Variants in DHX33 observed in about 807,000 individuals in gnomAD.
DHX33 encodes the protein DEAH-box helicase 33.
DHX33 carries 42 observed loss-of-function variants against 72.5 expected under a neutral mutation model. That is an observed-to-expected ratio of 0.58 (90% CI 0.45 to 0.75). The LOEUF is 0.75. Among genes scored for constraint, DHX33 ranks in the 30% least tolerant of loss-of-function variants. DHX33 has a pLI of 0.00. For synonymous variants in DHX33, 358 were observed against 366.1 expected (o/e 0.98, Z 0.25); for missense variants, 842 against 917.5 (o/e 0.92, Z 1.06).
rs1314574697 is a variant in DHX33 at position 5,450,076 on chromosome 17, T to C, written c.1728+127A>G. ...CTGAAATGCTGTCTGGCTTTCTTTT[T>C]GTGATTCTTTAGATAATTTAGCCAA... On this transcript the variant is annotated intron_variant, in intron 10 of 11. Coordinates refer to ENST00000225296, the MANE Select transcript of DHX33 (RefSeq NM_020162.4). The C allele has an allele frequency of 1.7e-5, 20 of 1,145,660 alleles. No homozygotes were observed. The East Asian group carries it at 3.4e-4, about 19-fold the overall frequency. The allele number at this position is 1,145,660 out of a possible 1,614,324, so 71.0% of individuals were successfully genotyped here. A position where few individuals can be genotyped will look rare whatever the true frequency, so the allele number is the denominator to read the frequency against.
Position 5,456,074 on chromosome 17 carries a change from G to A in DHX33, c.958C>T (p.Pro320Ser). ...DIAKHLPDGC[P>S]AMLVLPLYAS... ...TACAGAGGAAGGACCAGCATCGCAG[G>A]GCAGCCGTCTGGGAGGTGCTTTGCA... The change falls in exon 5 of 12, where the codon CCT becomes TCT. Residue 320 changes from proline (P) to serine (S), a missense_variant. Pro to Ser is a moderately conservative substitution (Grantham distance 74). Coordinates refer to ENST00000225296, the MANE Select transcript of DHX33 (RefSeq NM_020162.4). 6.2e-7 allele frequency: 1 copy of A among 1,613,824 alleles called. No individual in the cohort carries two copies. Among genetic ancestry groups the A allele is most frequent in the Non-Finnish European group, 8.5e-7 (1 of 1,180,028 alleles).
At position 5,456,195 on chromosome 17, in the gene DHX33, T is replaced by C. The variant is rs746166361; in HGVS notation, c.850-13A>G. ...AAGAAGGGGCTTCCTGTAAAAAAAG[T>C]AGAGTGGGTTTACTAGGCATTGATA... On this transcript the variant is annotated splice_polypyrimidine_tract_variant and intron_variant, in intron 4 of 11. Transcript: ENST00000225296. 2.5e-6 allele frequency: 4 copies of C among 1,613,036 alleles called. No homozygotes were observed. The highest frequency in any genetic ancestry group is 1.1e-5 in the South Asian group (1 of 91,068).
At chr17:5,468,547 G>A in intron 1 of DHX33, 24 bp downstream of exon 1, 1 of 1,599,410 alleles carries the variant, frequency 6.3e-7, no homozygotes, top group Non-Finnish European at 8.5e-7. Context: ...GTGCAAGGAA[G>A]AGCCCGCCGG....
chr17:5,445,087 T>C (rs1049800769), intron 11 of DHX33, among the ~76,000 whole-genome samples: 13 of 151,968 alleles, frequency 8.6e-5, no homozygotes, highest in South Asian at 4.2e-4. Flanking sequence ...TTCTTTCTTT[T>C]TTTTTTTTTG....
chr17:5,447,146 A>C (rs1170994908), intron 11 of DHX33, among the ~76,000 whole-genome samples: 1 of 152,268 alleles, frequency 6.6e-6, no homozygotes, highest in Non-Finnish European at 1.5e-5. Flanking sequence ...TAAAATGTGG[A>C]GTGTCATGCG....
chr17:5,455,043 T>G, intron 6 of DHX33, 117 bp downstream of exon 6: 1 of 919,330 alleles, frequency 1.1e-6, no homozygotes, highest in Non-Finnish European at 1.7e-6. Context: ...TCATGGCGCC[T>G]GCCACCTGAA....
At position 5,444,092 on chromosome 17, in the gene DHX33, C is replaced by T. The variant is rs1442225415; in HGVS notation, c.*113G>A. 2.4e-6 allele frequency: 3 copies of T among 1,260,868 alleles called. No individual in the cohort carries two copies. The highest frequency in any genetic ancestry group is 2.2e-6 in the Non-Finnish European group (2 of 923,914). The allele number at this position is 1,260,868 out of a possible 1,614,324, so 78.1% of individuals were successfully genotyped here. A position where few individuals can be genotyped will look rare whatever the true frequency, so the allele number is the denominator to read the frequency against. The stretch of plus-strand genomic sequence containing the variant: ...TGCTTTCACGCTCCTGGAAGTCAGG[C>T]ACCTTCAGCTGATTCCAAGGCTTCT... On this transcript the variant is annotated 3_prime_UTR_variant, in exon 12 of 12. Coordinates refer to ENST00000225296, the MANE Select transcript of DHX33 (RefSeq NM_020162.4). This position sits in a 1 kb window ranked among gnomAD's most constrained non-coding sequence, Gnocchi z 4.9.
chr17:5,463,622 C>T lies in DHX33; in HGVS notation c.357G>A (p.Gln119=), dbSNP rs750138550. The T allele has an allele frequency of 1.2e-6, 2 of 1,613,920 alleles. No individual in the cohort carries two copies. Among genetic ancestry groups the T allele is most frequent in the Non-Finnish European group, 1.7e-6 (2 of 1,180,012 alleles). The change falls in exon 2 of 12, where the codon CAG becomes CAA. Residue 119 remains glutamine (Q), a synonymous_variant. Coordinates refer to ENST00000225296, the MANE Select transcript of DHX33 (RefSeq NM_020162.4). ...QYLYEGGISR[Q]GIIAVTQPRR... is the part of the protein sequence containing the mutation. ...GAGGCTGGGTCACAGCAATGATGCC[C>T]TGGCGGCTGATCCCTCCTTCATACA...
chr17:5,455,869 C>A (rs113744222), intron 5 of DHX33, 128 bp downstream of exon 5: 7 of 995,742 alleles, frequency 7.0e-6, no homozygotes, highest in African/African-American at 1.6e-5. Context: ...CTCCTCAGTG[C>A]GCTGATCTGG....
intron 3 of DHX33, among the ~76,000 whole-genome samples, chr17:5,461,545 G>A (rs1904621178): frequency 6.6e-6 from 1 of 151,322 alleles, no homozygotes; most frequent in Non-Finnish European, 1.5e-5. Flanking sequence ...GTGAACCTGG[G>A]AGGCGGAGCT....
Position 5,444,645 on chromosome 17 carries a change from C to T in DHX33, c.1816-132G>A. On this transcript the variant is annotated intron_variant, in intron 11 of 11. Transcript: ENST00000225296. This position sits in a 1 kb window ranked among gnomAD's most constrained non-coding sequence, Gnocchi z 4.9. ...CATTGTGAGCCTAACGATGTGGATT[C>T]TGACATTCGGAGGTGGTCACCAAGG... The T allele has an allele frequency of 1.0e-6, 1 of 956,350 alleles. No homozygotes were observed. The highest frequency in any genetic ancestry group is 1.5e-6 in the Non-Finnish European group (1 of 652,720). 59.2% of individuals were successfully genotyped at this position (956,350 alleles called of 1,614,324 possible).
chr17:5,462,077 T>C (rs757225433), intron 3 of DHX33, among the ~76,000 whole-genome samples: 8 of 150,626 alleles, frequency 5.3e-5, no homozygotes, highest in Non-Finnish European at 1.0e-4. Flanking sequence ...GTAGCTGGGA[T>C]TACAGATGTG....
intron 4 of DHX33, 130 bp downstream of exon 4, chr17:5,460,809 C>T: frequency 8.6e-7 from 1 of 1,165,482 alleles, no homozygotes; most frequent in East Asian, 2.6e-5. Flanking sequence ...ACCTGGCCTC[C>T]TTATTCATCT....
Position 5,450,796 on chromosome 17 carries a change from G to T in DHX33, c.1524+11C>A, listed in dbSNP as rs1249896715. On this transcript the variant is annotated intron_variant, in intron 9 of 11. Transcript: ENST00000225296. ...GTACAGAAAGAGGACTGAGGAGAGG[G>T]TATCATTTACTTTGGCAAATTTGGG... 10 of 1,614,110 alleles carry T rather than the reference G, an allele frequency of 6.2e-6. No individual in the cohort carries two copies. Among genetic ancestry groups the T allele is most frequent in the Non-Finnish European group, 8.5e-6 (10 of 1,179,992 alleles).
At chr17:5,452,869 T>C (rs758386796) in intron 8 of DHX33, among the ~76,000 whole-genome samples, 2 of 152,214 alleles carry the variant, frequency 1.3e-5, no homozygotes, top group Non-Finnish European at 2.9e-5. Flanking sequence ...GCAGGACCCT[T>C]GTATACCCAT....
At chr17:5,451,506 G>T (rs1597357659) in intron 8 of DHX33, among the ~76,000 whole-genome samples, 1 of 152,092 alleles carries the variant, frequency 6.6e-6, no homozygotes, top group Non-Finnish European at 1.5e-5. Context: ...TTACACTTAC[G>T]AATTTCACCT....
At chr17:5,449,973 G>A (rs868097724) in intron 10 of DHX33, among the ~76,000 whole-genome samples, 8 of 152,238 alleles carry the variant, frequency 5.3e-5, no homozygotes, top group Middle Eastern at 3.4e-3. Context: ...TGATGGGTTG[G>A]GAGTCACTTA....
intron 3 of DHX33, among the ~76,000 whole-genome samples, chr17:5,462,115 T>C (rs1032094878): frequency 1.3e-5 from 2 of 150,272 alleles, no homozygotes; most frequent in African/African-American, 2.5e-5. Context: ...AATTTTTATA[T>C]TTTTAGTAGA....
chr17:5,450,077 G>T, intron 10 of DHX33, 126 bp downstream of exon 10: 1 of 1,151,908 alleles, frequency 8.7e-7, no homozygotes, highest in South Asian at 1.5e-5. Flanking sequence ...CTTTCTTTTT[G>T]TGATTCTTTA....
Sources: gnomAD v4.1 joint callset for allele counts (sites outside exome capture counted in the v4.1 genomes callset) on GRCh38, gnomAD v4.1.1 for gene constraint, Gnocchi (gnomAD v3.1) non-coding constraint, MANE v1.5 for transcripts, NCBI Gene and HGNC (gene_info 2026-07-23, HGNC 2026-07-21) for gene names.